Variants in CDH13 observed in about 807,000 individuals in gnomAD.
The protein encoded by CDH13 is cadherin 13, also known as cadherin-13.
In CDH13, 24 loss-of-function variants were observed where a neutral mutation model predicts 63.8. The ratio of observed to expected loss-of-function variants is 0.38; its 90% CI spans 0.27 to 0.53. The LOEUF (loss-of-function observed/expected upper bound fraction) is 0.53, where lower values mean the gene tolerates loss of function less well. Among genes scored for constraint, CDH13 ranks in the 20% least tolerant of loss-of-function variants. CDH13 has a pLI of 0.85. For missense variants in CDH13, 1,049 were observed against 903.1 expected, an observed-to-expected ratio of 1.16 and a Z score of -2.07; for synonymous variants, 503 against 355.3, an observed-to-expected ratio of 1.42 and a Z score of -4.67.
At chr16:83,585,451 T>C (rs1398377775) in intron 7 of CDH13, among the ~76,000 whole-genome samples, 1 of 152,098 alleles carries the variant, frequency 6.6e-6, no homozygotes, top group Non-Finnish European at 1.5e-5. Context: ...TTTTGATGCA[T>C]CTACCAGAAC....
chr16:82,781,086 A>C (rs190924659), intron 1 of CDH13, among the ~76,000 whole-genome samples: 192 of 152,292 alleles, frequency 1.3e-3, no homozygotes, highest in Non-Finnish European at 2.3e-3. Flanking sequence ...ATTTTTTTTA[A>C]GTGTATCTTC....
At chr16:83,346,858 CAGTT>C (rs1256661975) in intron 6 of CDH13, among the ~76,000 whole-genome samples, 1 of 152,110 alleles carries the variant, frequency 6.6e-6, no homozygotes, top group African/African-American at 2.4e-5. Context: ...CAGAGTTATT[CAGTT>C]AGAGACAGTT....
At chr16:83,389,531 TCTC>T (rs1204079007) in intron 6 of CDH13, among the ~76,000 whole-genome samples, 2 of 152,222 alleles carry the variant, frequency 1.3e-5, no homozygotes, top group Non-Finnish European at 2.9e-5. Context: ...AGCACATTCT[TCTC>T]CTCCTCAATC....
At chr16:83,698,934 C>T (rs746752418) in intron 10 of CDH13, among the ~76,000 whole-genome samples, 1 of 152,232 alleles carries the variant, frequency 6.6e-6, no homozygotes, top group Non-Finnish European at 1.5e-5. Flanking sequence ...GTCAGAGGGC[C>T]AGATTTGGCC....
chr16:83,262,866 A>C (rs1907154999), intron 5 of CDH13, among the ~76,000 whole-genome samples: 1 of 152,204 alleles, frequency 6.6e-6, no homozygotes, highest in South Asian at 2.1e-4. Flanking sequence ...TTGGACCACC[A>C]ATTGAGTAAG....
intron 4 of CDH13, among the ~76,000 whole-genome samples, chr16:83,147,569 C>T (rs8058701): frequency 6.6e-6 from 1 of 152,008 alleles, no homozygotes; most frequent in Admixed American, 6.6e-5. Context: ...ATTTGTGATT[C>T]TCCCAACATC....
intron 3 of CDH13, among the ~76,000 whole-genome samples, chr16:83,075,503 T>C (rs8061985): frequency 0.61 from 93,480 of 152,054 alleles, 29,233 homozygotes; most frequent in African/African-American, 0.74. Context: ...AAGATTGTTG[T>C]GGATGCAAAG....
intron 4 of CDH13, among the ~76,000 whole-genome samples, chr16:83,158,281 C>A (rs1309464105): frequency 1.3e-5 from 2 of 152,178 alleles, no homozygotes; most frequent in Non-Finnish European, 2.9e-5. Flanking sequence ...AAGATTGTTT[C>A]CTGCTCCCTC....
At chr16:83,787,666 G>C (rs1276653827) in intron 13 of CDH13, among the ~76,000 whole-genome samples, 1 of 152,216 alleles carries the variant, frequency 6.6e-6, no homozygotes, top group Non-Finnish European at 1.5e-5. Flanking sequence ...CTTGCAGCTA[G>C]GTGCGGTGGC....
At chr16:83,028,377 T>C (rs1203789241) in intron 2 of CDH13, among the ~76,000 whole-genome samples, 1 of 152,202 alleles carries the variant, frequency 6.6e-6, no homozygotes, top group African/African-American at 2.4e-5. Flanking sequence ...TGTGTGTCCA[T>C]GCAAAGATGG....
At chr16:82,690,755 T>C (rs1306937275) in intron 1 of CDH13, among the ~76,000 whole-genome samples, 1 of 152,244 alleles carries the variant, frequency 6.6e-6, no homozygotes, top group Non-Finnish European at 1.5e-5. Flanking sequence ...TGTGTGCACA[T>C]GCAGCACACC....
intron 4 of CDH13, among the ~76,000 whole-genome samples, chr16:83,139,669 GT>G (rs2036446553): frequency 6.6e-6 from 1 of 151,732 alleles, no homozygotes; most frequent in African/African-American, 2.4e-5. Context: ...TGTGTTTATT[GT>G]AGAAATTTTA....
intron 4 of CDH13, among the ~76,000 whole-genome samples, chr16:83,131,311 A>G (rs1472544095): frequency 1.3e-5 from 2 of 150,224 alleles, no homozygotes; most frequent in African/African-American, 4.9e-5. Flanking sequence ...GCCCTAGACT[A>G]TCTGTCATAG....
chr16:83,625,175 T>TGTGTGTGTGTGCTC (rs1292210902), intron 8 of CDH13, among the ~76,000 whole-genome samples: 2 of 151,700 alleles, frequency 1.3e-5, no homozygotes, highest in Non-Finnish European at 2.9e-5. Flanking sequence ...TGTGCTCATG[T>TGTGTGTGTGTGCTC]GTGTGTGTGT....
chr16:83,534,138 C>A (rs2075138498), intron 7 of CDH13, among the ~76,000 whole-genome samples: 2 of 152,152 alleles, frequency 1.3e-5, no homozygotes, highest in Non-Finnish European at 1.5e-5. Flanking sequence ...CCTCCATCCC[C>A]CATGCCCTTT....
rs1388258642 is a variant in CDH13, at chr16:83,006,920, G to GTTTT, written c.158-25087_158-25086insTTTT. On this transcript the variant is annotated intron_variant, in intron 2 of 13. Coordinates refer to ENST00000567109, the MANE Select transcript of CDH13 (RefSeq NM_001257.5). ...TTTGATTTTTTTTGTTTGTTTGTTT[G>GTTTT]TTTGTTTGTTTGTTTTTTTTGAGAC... 5.7e-3 allele frequency among the ~76,000 whole-genome samples: 719 copies of GTTTT among 125,562 alleles called. 35 individuals are homozygous for GTTTT. Among genetic ancestry groups the GTTTT allele is most frequent in the Non-Finnish European group, 8.1e-3 (456 of 56,034 alleles). 82.4% of individuals were successfully genotyped at this position (125,562 alleles called of 152,430 possible). A position where few individuals can be genotyped will look rare whatever the true frequency, so the allele number is the denominator to read the frequency against.
At chr16:82,738,387 C>G (rs1274692994) in intron 1 of CDH13, among the ~76,000 whole-genome samples, 1 of 152,188 alleles carries the variant, frequency 6.6e-6, no homozygotes, top group Non-Finnish European at 1.5e-5. Flanking sequence ...AAGCCCATCC[C>G]AAACAAAAAT....
chr16:83,317,407 C>T (rs2090130500), intron 5 of CDH13, among the ~76,000 whole-genome samples: 1 of 152,210 alleles, frequency 6.6e-6, no homozygotes, highest in Non-Finnish European at 1.5e-5. Context: ...GTTACATCTG[C>T]TTGAATTTCA....
chr16:82,896,728 A>C (rs1597163429), intron 2 of CDH13, among the ~76,000 whole-genome samples: 1 of 151,040 alleles, frequency 6.6e-6, no homozygotes, highest in South Asian at 2.1e-4. Context: ...GAGACGAAAG[A>C]AAGAAAGATT....
Sources: gnomAD v4.1 joint callset for allele counts (sites outside exome capture counted in the v4.1 genomes callset) on GRCh38, gnomAD v4.1.1 for gene constraint, MANE v1.5 for transcripts, NCBI Gene and HGNC (gene_info 2026-07-23, HGNC 2026-07-21) for gene names.